The following EYS variants were observed in gnomAD, a reference collection of about 807,000 sequenced individuals.
The protein encoded by EYS is EGF-like photoreceptor maintenance factor, also known as protein eyes shut homolog.
In EYS, 250 loss-of-function variants were observed where a neutral mutation model predicts 282.1. The ratio of observed to expected loss-of-function variants is 0.89; its 90% confidence interval spans 0.80 to 0.98. The LOEUF (loss-of-function observed/expected upper bound fraction) is 0.98. Ranked by LOEUF, EYS falls within the 50% of genes least tolerant of loss-of-function variation. The pLI, the probability that EYS is intolerant of heterozygous loss-of-function variation, is 0.00. For missense variants in EYS, 4,016 were observed against 3,709.0 expected (o/e 1.08, Z -2.15); for synonymous variants, 1,355 against 1,282.9 (o/e 1.06, Z -1.20).
chr6:64,062,524 T>C (rs1771211506), intron 33 of EYS, among the ~76,000 whole-genome samples: 1 of 151,888 alleles, frequency 6.6e-6, no homozygotes, highest in Non-Finnish European at 1.5e-5. Context: ...AAACCCCCTC[T>C]CTACTAAAAA....
chr6:64,365,956 G>T (rs888539531), intron 29 of EYS, among the ~76,000 whole-genome samples: 1 of 151,986 alleles, frequency 6.6e-6, no homozygotes, highest in Non-Finnish European at 1.5e-5. Flanking sequence ...GAATTATATT[G>T]TTTGTAATTT....
intron 35 of EYS, among the ~76,000 whole-genome samples, chr6:63,926,736 G>A (rs1289729555): frequency 6.6e-6 from 1 of 152,130 alleles, no homozygotes; most frequent in East Asian, 1.9e-4. Flanking sequence ...GAGTTTAATG[G>A]TACTTCTGCT....
At chr6:64,119,868 C>T (rs1773516508) in intron 31 of EYS, among the ~76,000 whole-genome samples, 1 of 152,096 alleles carries the variant, frequency 6.6e-6, no homozygotes, top group East Asian at 1.9e-4. Context: ...ATTTTCTTAG[C>T]CCTACTTTTT....
chr6:64,797,820 T>C (rs1049325840), intron 22 of EYS, among the ~76,000 whole-genome samples: 1 of 151,968 alleles, frequency 6.6e-6, no homozygotes, highest in Non-Finnish European at 1.5e-5. Flanking sequence ...AAATAAGCAA[T>C]ATACCCGTGA....
At chr6:64,302,406 TTAGATA>T (rs1403825451) in intron 30 of EYS, among the ~76,000 whole-genome samples, 1 of 152,222 alleles carries the variant, frequency 6.6e-6, no homozygotes, top group East Asian at 1.9e-4. Flanking sequence ...ATTTGGAAAC[TTAGATA>T]TGTACATGGA....
intron 26 of EYS, among the ~76,000 whole-genome samples, chr6:64,511,733 C>CCTG (rs1275065952): frequency 6.6e-6 from 1 of 151,994 alleles, no homozygotes; most frequent in Non-Finnish European, 1.5e-5. Flanking sequence ...GGCTGCTATT[C>CCTG]CTGCCTATCC....
intron 2 of EYS, among the ~76,000 whole-genome samples, chr6:65,567,973 C>T (rs927272476): frequency 1.3e-5 from 2 of 152,054 alleles, no homozygotes; most frequent in African/African-American, 4.8e-5. Context: ...CCCACCTCTC[C>T]ATGTATCTCC....
At chr6:65,671,077 A>C (rs1247183430) in intron 1 of EYS, among the ~76,000 whole-genome samples, 1 of 152,132 alleles carries the variant, frequency 6.6e-6, no homozygotes, top group Admixed American at 6.6e-5. Flanking sequence ...AAATTTAAGA[A>C]TTTATGCCAT....
chr6:65,610,437 T>C (rs1273461957), intron 2 of EYS, among the ~76,000 whole-genome samples: 1 of 152,120 alleles, frequency 6.6e-6, no homozygotes, highest in Non-Finnish European at 1.5e-5. Flanking sequence ...TTTTGTTCCA[T>C]CATTTAGATA....
intron 19 of EYS, among the ~76,000 whole-genome samples, chr6:64,830,133 C>T (rs62415509): frequency 0.15 from 23,172 of 151,876 alleles, 2,017 homozygotes; most frequent in East Asian, 0.44. Context: ...ATAAAATAGG[C>T]CCAAGGGAAC....
intron 12 of EYS, among the ~76,000 whole-genome samples, chr6:65,277,855 G>A (rs1768091641): frequency 6.6e-6 from 1 of 152,066 alleles, no homozygotes; most frequent in Non-Finnish European, 1.5e-5. Flanking sequence ...ATGCATATGG[G>A]TGGTTAAGTT....
chr6:63,912,598 C>G (rs567718368), intron 35 of EYS, among the ~76,000 whole-genome samples: 1 of 152,180 alleles, frequency 6.6e-6, no homozygotes, highest in Admixed American at 6.5e-5. Flanking sequence ...AGATGTGTGT[C>G]CCTGCCAAAA....
At chr6:63,844,381 T>C (rs1015423954) in intron 36 of EYS, among the ~76,000 whole-genome samples, 5 of 152,184 alleles carry the variant, frequency 3.3e-5, no homozygotes, top group African/African-American at 1.2e-4. Context: ...AGTAATTGGA[T>C]TGCTGGCTCA....
intron 12 of EYS, among the ~76,000 whole-genome samples, chr6:65,235,763 G>A (rs536369946): frequency 1.3e-5 from 2 of 152,110 alleles, no homozygotes; most frequent in African/African-American, 4.8e-5. Context: ...AAGTAACAAA[G>A]CAAAATATAT....
Position 63,827,183 on chromosome 6 carries a change from A to C in EYS, c.7229-20811T>G, listed in dbSNP as rs946863712. Among the ~76,000 whole-genome samples, 3 of 152,364 alleles carry C rather than the reference A, an allele frequency of 2.0e-5. No individual in the cohort carries two copies. The East Asian group carries it at 5.8e-4, about 29-fold the overall frequency. ...GCAGTTAAAAGAGACAAAGAAGGAC[A>C]GTATATAATGATAAAAGGCCTTGTC... On this transcript the variant is annotated intron_variant, in intron 36 of 42. Coordinates refer to ENST00000503581, the MANE Select transcript of EYS (RefSeq NM_001142800.2).
At chr6:64,762,956 C>T (rs1462660332) in intron 22 of EYS, among the ~76,000 whole-genome samples, 2 of 151,882 alleles carry the variant, frequency 1.3e-5, no homozygotes, top group African/African-American at 4.8e-5. Context: ...AAATACATTC[C>T]CTGTGCAAGT....
At chr6:63,947,969 C>T (rs1000599235) in intron 35 of EYS, among the ~76,000 whole-genome samples, 3 of 152,104 alleles carry the variant, frequency 2.0e-5, no homozygotes, top group Non-Finnish European at 4.4e-5. Flanking sequence ...AAAGTGCTTT[C>T]GTTGCTCACA....
rs1767600988 is a variant in EYS at position 64,626,120 on chromosome 6, C to T, written c.3568+1G>A. 1.3e-6 allele frequency: 2 copies of T among 1,520,908 alleles called. No individual in the cohort carries two copies. Among genetic ancestry groups the T allele is most frequent in the Admixed American group, 2.0e-5 (1 of 49,650 alleles). The allele number at this position is 1,520,908 out of a possible 1,614,324, so 94.2% of individuals were successfully genotyped here. ...ATGCTTATTATTTTTAAAATAATTA[C>T]CTGGTTGGCATTTGCAAACATATCC... On this transcript the variant is annotated splice_donor_variant, in intron 23 of 42. Transcript: ENST00000503581. LOFTEE classifies it high-confidence loss of function.
At chr6:64,835,693 T>C (rs190218363) in intron 19 of EYS, among the ~76,000 whole-genome samples, 144 of 151,760 alleles carry the variant, frequency 9.5e-4, no homozygotes, top group African/African-American at 3.4e-3. Flanking sequence ...ACTGGGTTAA[T>C]AGATCTGGGT....
Sources: allele counts gnomAD v4.1 joint callset (sites outside exome capture counted in the v4.1 genomes callset), GRCh38; gene constraint gnomAD v4.1.1; transcripts MANE v1.5; gene names NCBI Gene and HGNC (gene_info 2026-07-23, HGNC 2026-07-21).